NBPF20: variants seen among roughly 807,000 people sequenced by gnomAD.
NBPF20 encodes the protein NBPF family member NBPF20.
In NBPF20, 90 loss-of-function variants were observed where a neutral mutation model predicts 68.1. The observed-to-expected ratio is 1.32, with a 90% CI of 1.11 to 1.58. The LOEUF (loss-of-function observed/expected upper bound fraction) is 1.58, where lower values mean the gene tolerates loss of function less well. NBPF20 is among the 40% of genes most tolerant of loss of function. The pLI is 0.00. For synonymous variants in NBPF20, 290 were observed against 228.1 expected, an observed-to-expected ratio of 1.27 and a Z score of -2.45; for missense variants, 816 against 601.2, an observed-to-expected ratio of 1.36 and a Z score of -3.74.
exon 138 of NBPF20, chr1:145,290,153 T>C (rs1170645011): frequency 8.1e-5 from 12 of 148,062 alleles, no homozygotes; most frequent in African/African-American, 2.8e-4. Context: ...ATTTGCAGTG[T>C]AGAGATATGA....
upstream of NBPF20, chr1:145,405,894 T>G (rs587605674): frequency 5.3e-6 from 1 of 189,030 alleles, no homozygotes; most frequent in Non-Finnish European, 1.1e-5. Flanking sequence ...ATGGAATCAT[T>G]TAGTATGTTC....
At chr1:145,417,692 C>T in the NBPF20 span, among the ~76,000 whole-genome samples, 1 of 141,010 alleles carries the variant, frequency 7.1e-6, no homozygotes, top group Non-Finnish European at 1.5e-5. Flanking sequence ...GGCAAATAAG[C>T]ATATGAGAAA....
At chr1:145,406,510 G>A (rs1223855316), upstream of NBPF20, among the ~76,000 whole-genome samples, 2 of 151,812 alleles carry the variant, frequency 1.3e-5, no homozygotes, top group African/African-American at 4.9e-5. Context: ...GGTAGAAAAT[G>A]TTGGACAGAG....
the NBPF20 span, among the ~76,000 whole-genome samples, chr1:145,419,496 G>C: frequency 3.3e-5 from 5 of 152,160 alleles, no homozygotes; most frequent in Non-Finnish European, 5.9e-5. Context: ...AAAAGAATGA[G>C]ATGAGACAGT....
exon 137 of NBPF20, chr1:145,292,425 CCTT>C (rs782474370): frequency 1.4e-5 from 10 of 700,250 alleles, no homozygotes; most frequent in Admixed American, 2.1e-5. Flanking sequence ...CTTTTCTTCC[CCTT>C]CTTCTTTTCT....
chr1:145,396,743 T>G (rs1662263658), intron 7 of NBPF20, among the ~76,000 whole-genome samples: 1 of 114,278 alleles, frequency 8.8e-6, no homozygotes. Flanking sequence ...TTTATTATTT[T>G]TTGTGTGTAT....
chr1:145,401,208 A>G (rs1354744319), intron 4 of NBPF20, 77 bp from the exon 10 acceptor site: 10 of 1,217,230 alleles, frequency 8.2e-6, no homozygotes, highest in Admixed American at 1.7e-5. Flanking sequence ...TGTGCAACAG[A>G]GACATGAACA....
chr1:145,403,215 C>T lies in NBPF20; in HGVS notation c.278+1G>A, dbSNP rs1221111057. On this transcript the variant is annotated splice_donor_variant, in intron 3 of 137. Coordinates refer to ENST00000369373, the Ensembl canonical transcript of NBPF20. LOFTEE classifies it high-confidence loss of function. Reference sequence around the variant, plus strand: ...TGCCTGCCACCATGGGGTCCCCTCACCTGAGCTCCTCAGCTTGCTTGAGCT... The same window carrying T: ...TGCCTGCCACCATGGGGTCCCCTCATCTGAGCTCCTCAGCTTGCTTGAGCT... 2.5e-6 allele frequency: 4 copies of T among 1,612,312 alleles called. No individual in the cohort carries two copies. Among genetic ancestry groups the T allele is most frequent in the South Asian group, 2.2e-5 (2 of 91,016 alleles).
At chr1:145,402,047 G>C in intron 4 of NBPF20, 120 bp downstream of exon 9, 3 of 736,382 alleles carry the variant, frequency 4.1e-6, no homozygotes, top group Non-Finnish European at 6.9e-6. Context: ...GTCATGTCAT[G>C]GCCACATAAG....
chr1:145,410,741 TATATATATACATATATATATATAC>T, the NBPF20 span, among the ~76,000 whole-genome samples: 1 of 144,192 alleles, frequency 6.9e-6, no homozygotes, highest in Non-Finnish European at 1.5e-5. Flanking sequence ...TGTCTGTGTA[TATATATATACATATATATATATAC>T]GTATATATAT....
intron 7 of NBPF20, among the ~76,000 whole-genome samples, chr1:145,398,094 G>T (rs1366438988): frequency 6.6e-6 from 1 of 152,080 alleles, no homozygotes. Flanking sequence ...AGTCCTGAGA[G>T]ACCTACAAAG....
the NBPF20 span, among the ~76,000 whole-genome samples, chr1:145,421,883 A>T: frequency 4.2e-4 from 63 of 149,338 alleles, no homozygotes; most frequent in African/African-American, 7.2e-4. Flanking sequence ...TACAAAAAAT[A>T]GAAAATTAGC....
At chr1:145,334,953 G>C (rs1661566108) in intron 83 of NBPF20, among the ~76,000 whole-genome samples, 3 of 108,438 alleles carry the variant, frequency 2.8e-5, no homozygotes, top group East Asian at 2.8e-4. Context: ...ACAGCGAACA[G>C]TGATCATGAA....
the NBPF20 span, among the ~76,000 whole-genome samples, chr1:145,414,997 T>A: frequency 1.3e-5 from 2 of 152,096 alleles, no homozygotes; most frequent in Non-Finnish European, 2.9e-5. Context: ...GGGACCGGCG[T>A]TCAGCATACG....
At chr1:145,409,339 G>A (rs1181174977), upstream of NBPF20, among the ~76,000 whole-genome samples, 13 of 147,892 alleles carry the variant, frequency 8.8e-5, no homozygotes, top group African/African-American at 3.0e-4. Context: ...ACTATCATGA[G>A]CATCCATACG....
chr1:145,290,007 A>T (rs1461802571), exon 138 of NBPF20: 5 of 147,584 alleles, frequency 3.4e-5, no homozygotes, highest in African/African-American at 1.3e-4. Flanking sequence ...GTCCAGAGTG[A>T]TAGGCAAAAG....
chr1:145,289,968 T>TAACA (rs1186208770), exon 138 of NBPF20: 2 of 141,508 alleles, frequency 1.4e-5, no homozygotes, highest in African/African-American at 2.9e-5. Context: ...TCAAATATTA[T>TAACA]AACACTGAAT....
exon 138 of NBPF20, chr1:145,291,344 G>A: frequency 1.7e-6 from 2 of 1,209,112 alleles, no homozygotes; most frequent in East Asian, 2.3e-5. Context: ...CCTAACGTGG[G>A]TCCATTGTCT....
At chr1:145,289,984 A>G (rs1306699166) in exon 138 of NBPF20, 2 of 144,870 alleles carry the variant, frequency 1.4e-5, no homozygotes, top group Non-Finnish European at 3.0e-5. Context: ...TGAATGTAAA[A>G]AACAATCCAG....
Sources: gnomAD v4.1 joint callset for allele counts (sites outside exome capture counted in the v4.1 genomes callset) on GRCh38, gnomAD v4.1.1 for gene constraint, MANE v1.5 for transcripts, NCBI Gene and HGNC (gene_info 2026-07-23, HGNC 2026-07-21) for gene names.